PLCB2: variants seen among roughly 807,000 people sequenced by gnomAD.
The protein encoded by PLCB2 is 1-phosphatidylinositol 4,5-bisphosphate phosphodiesterase beta-2.
PLCB2 carries 115 observed loss-of-function variants against 141.7 expected under a neutral mutation model. That is an observed-to-expected ratio of 0.81 (90% confidence interval 0.70 to 0.95). The LOEUF (loss-of-function observed/expected upper bound fraction) is 0.95. Ranked by LOEUF, PLCB2 falls within the 40% of genes least tolerant of loss-of-function variation. The probability of loss-of-function intolerance (pLI) is 0.00; values close to 1 mark genes in which losing one functional copy is unlikely to be tolerated. For synonymous variants in PLCB2, 603 were observed against 595.6 expected (o/e 1.01, Z -0.18); for missense variants, 1,403 against 1,541.1 (o/e 0.91, Z 1.50).
intron 31 of PLCB2, 25 bp from the exon 32 acceptor site, chr15:40,288,943 C>A: frequency 1.2e-6 from 2 of 1,609,236 alleles, no homozygotes; most frequent in Non-Finnish European, 1.7e-6. Flanking sequence ...AGGACCCCTG[C>A]CTGGCTCAGG....
Position 40,288,570 on chromosome 15 carries a change from G to A in PLCB2, c.*145C>T, listed in dbSNP as rs570865820. On this transcript the variant is annotated 3_prime_UTR_variant, in exon 32 of 32. Coordinates refer to ENST00000260402, the MANE Select transcript of PLCB2 (RefSeq NM_004573.3). ...TCCTGTCTCAGACTCTGGCCTGGCC[G>A]TTGAGGAGGGGGCTGCAGCGTCCAA... is the stretch of plus-strand genomic sequence containing the variant. The A allele has an allele frequency of 1.4e-3, 1,956 of 1,384,896 alleles. 2 individuals carry two copies. Among genetic ancestry groups the A allele is most frequent in the Middle Eastern group, 2.9e-3 (11 of 3,762 alleles). 85.8% of individuals were successfully genotyped at this position (1,384,896 alleles called of 1,614,324 possible). A position where few individuals can be genotyped will look rare whatever the true frequency, so the allele number is the denominator to read the frequency against.
chr15:40,289,822 C>G (rs1394294272), intron 30 of PLCB2, among the ~76,000 whole-genome samples: 1 of 152,162 alleles, frequency 6.6e-6, no homozygotes, highest in African/African-American at 2.4e-5. Context: ...ATACACAGGC[C>G]AGAACCCCAG....
At chr15:40,307,395 G>T (rs967226991) in intron 1 of PLCB2, among the ~76,000 whole-genome samples, 194 bp downstream of exon 1, 4 of 152,136 alleles carry the variant, frequency 2.6e-5, no homozygotes, top group African/African-American at 9.7e-5. Flanking sequence ...CCAAGGCTTA[G>T]CCCTTTAGCT....
chr15:40,304,768 T>C (rs2040709545), intron 1 of PLCB2, among the ~76,000 whole-genome samples: 1 of 152,104 alleles, frequency 6.6e-6, no homozygotes, highest in Non-Finnish European at 1.5e-5. Flanking sequence ...TTGAATGTGG[T>C]GTTTGCTGAA....
rs772572891 is a variant in PLCB2 at position 40,290,831 on chromosome 15, A to C, written c.3043T>G (p.Ser1015Ala). The C allele has an allele frequency of 2.5e-6, 4 of 1,568,698 alleles. No individual in the cohort carries two copies. Among genetic ancestry groups the C allele is most frequent in the Non-Finnish European group, 2.6e-6 (3 of 1,152,496 alleles). The change falls in exon 28 of 32, where the codon TCC becomes GCC. Residue 1015 changes from serine (S) to alanine (A), a missense_variant. Around this residue, in one of 4 missense-constraint regions of PLCB2, gnomAD observed 290 missense variants for 245.9 expected, o/e 1.18. Coordinates refer to ENST00000260402, the MANE Select transcript of PLCB2 (RefSeq NM_004573.3). ...TCTCTGGCCAGCTCCATCATTTTGG[A>C]GATTTGCTGCAGGGAGAGGAAGTAA... is the stretch of plus-strand genomic sequence containing the variant. ...RKEQHVAEQI[S>A]KMMELAREKQ... is the part of the protein sequence containing the mutation.
At position 40,297,991 on chromosome 15, in the gene PLCB2, G is replaced by T. The variant is rs761320343; in HGVS notation, c.1156-32C>A. The T allele has an allele frequency of 9.3e-6, 14 of 1,501,324 alleles. No homozygotes were observed. The East Asian group carries it at 2.3e-4, about 24-fold the overall frequency. The allele number at this position is 1,501,324 out of a possible 1,614,324, so 93.0% of individuals were successfully genotyped here. ...GAGAAGGAGACTCCATGAACAGAAG[G>T]TCAGCGTTCCGACTGCCTGTCTCGT... On this transcript the variant is annotated intron_variant, in intron 11 of 31. Transcript: ENST00000260402. This position sits in a 1 kb window ranked among gnomAD's most constrained non-coding sequence, Gnocchi z 4.2.
chr15:40,296,461 C>T (rs984572587), intron 15 of PLCB2, 61 bp downstream of exon 15: 2 of 1,612,974 alleles, frequency 1.2e-6, no homozygotes, highest in African/African-American at 2.7e-5. Flanking sequence ...CCCAAGGCCC[C>T]CATCCAGGGG....
intron 1 of PLCB2, among the ~76,000 whole-genome samples, chr15:40,307,115 C>T (rs1339165648): frequency 1.3e-5 from 2 of 152,180 alleles, no homozygotes; most frequent in African/African-American, 4.8e-5. Context: ...TGGCTGCCCC[C>T]ACAGCAGCGC....
Position 40,296,875 on chromosome 15 carries a change from C to A in PLCB2, c.1357G>T (p.Asp453Tyr). Reference sequence around the variant, plus strand: ...TTGATGAGGATCTTGCCCCTGAGATCCTCAGGGCTGGGCAGGGGGACACCT... The same window carrying A: ...TTGATGAGGATCTTGCCCCTGAGATACTCAGGGCTGGGCAGGGGGACACCT... Reference protein sequence around the residue: ...KPGVPLPSPEDLRGKILIKNK... With the variant: ...KPGVPLPSPEYLRGKILIKNK... The change falls in exon 14 of 32, where the codon GAT becomes TAT. Residue 453 changes from aspartate (D) to tyrosine (Y), a missense_variant. Coordinates refer to ENST00000260402, the MANE Select transcript of PLCB2 (RefSeq NM_004573.3). The A allele has an allele frequency of 6.2e-7, 1 of 1,614,020 alleles. No homozygotes were observed. The highest frequency in any genetic ancestry group is 8.5e-7 in the Non-Finnish European group (1 of 1,179,974).
downstream of PLCB2, among the ~76,000 whole-genome samples, chr15:40,286,311 C>G (rs1168147190): frequency 6.6e-6 from 1 of 152,142 alleles, no homozygotes; most frequent in Admixed American, 6.5e-5. Flanking sequence ...GAAGGGCTCC[C>G]TCCCCAAGAT....
At chr15:40,286,841 A>G (rs866231115), downstream of PLCB2, among the ~76,000 whole-genome samples, 50 of 152,338 alleles carry the variant, frequency 3.3e-4, 1 homozygote, top group Middle Eastern at 0.01. Flanking sequence ...GGCTATGCAG[A>G]GGCCTCTCCG....
At chr15:40,298,081 C>T in intron 11 of PLCB2, 122 bp from the exon 12 acceptor site, 1 of 1,175,018 alleles carries the variant, frequency 8.5e-7, no homozygotes, top group Non-Finnish European at 1.2e-6. Flanking sequence ...GCCATTGGCC[C>T]CCAATCCCTG....
chr15:40,291,796 G>C, intron 24 of PLCB2, 53 bp downstream of exon 24: 1 of 1,613,146 alleles, frequency 6.2e-7, no homozygotes, highest in Non-Finnish European at 8.5e-7. Context: ...GGAAGTGCCT[G>C]TGGGTGCAGA....
Position 40,297,774 on chromosome 15 carries a change from C to T in PLCB2, c.1238+103G>A, listed in dbSNP as rs762457017. ...TGATTATACTGAGACGTGGGAGAAG[C>T]TGTAGGCAATGGTTAGAGGCTGGGG... On this transcript the variant is annotated intron_variant, in intron 12 of 31. Transcript: ENST00000260402. This position sits in a 1 kb window ranked among gnomAD's most constrained non-coding sequence, Gnocchi z 4.2. The T allele has an allele frequency of 1.7e-4, 168 of 1,007,576 alleles. No individual in the cohort carries two copies. Among genetic ancestry groups the T allele is most frequent in the Admixed American group, 6.7e-4 (36 of 53,344 alleles). 62.4% of individuals were successfully genotyped at this position (1,007,576 alleles called of 1,614,324 possible).
At chr15:40,303,104 C>T (rs2040604868) in intron 3 of PLCB2, among the ~76,000 whole-genome samples, 184 bp downstream of exon 3, 1 of 152,184 alleles carries the variant, frequency 6.6e-6, no homozygotes, top group South Asian at 2.1e-4. Context: ...AAGCTCAGAG[C>T]CCAGGCGAGC....
chr15:40,287,173 G>A (rs2039624821), downstream of PLCB2, among the ~76,000 whole-genome samples: 1 of 152,158 alleles, frequency 6.6e-6, no homozygotes, highest in African/African-American at 2.4e-5. Context: ...TAATGATGTA[G>A]GGAGCAGGCT....
chr15:40,291,642 C>CA lies in PLCB2; in HGVS notation c.2610_2611insT (p.Ala871CysfsTer104). The CA allele has an allele frequency of 6.2e-7, 1 of 1,613,192 alleles. No individual in the cohort carries two copies. Among genetic ancestry groups the CA allele is most frequent in the South Asian group, 1.1e-5 (1 of 91,048 alleles). ...TTCATAGCCTCTTCCCTGGCCCCGG[C>CA]CCTGGCTGCTGCAAGAGCCACGGGC... On this transcript the variant is annotated frameshift_variant, in exon 25 of 32. Transcript: ENST00000260402. LOFTEE classifies it high-confidence loss of function.
Position 40,290,541 on chromosome 15 carries a change from G to T in PLCB2, c.3209+36C>A, listed in dbSNP as rs752402532. On this transcript the variant is annotated intron_variant, in intron 29 of 31. Coordinates refer to ENST00000260402, the MANE Select transcript of PLCB2 (RefSeq NM_004573.3). ...GAGGCCCCTTTCCACCTGAAGTGGGGTCTGCCCAGCCCTGGGCCTCCCCTC... is the reference window on the plus strand; with the variant it reads ...GAGGCCCCTTTCCACCTGAAGTGGGTTCTGCCCAGCCCTGGGCCTCCCCTC... 10 of 1,481,690 alleles carry T rather than the reference G, an allele frequency of 6.7e-6. No individual in the cohort carries two copies. The African/African-American group carries it at 1.1e-4, about 16-fold the overall frequency. 91.8% of individuals were successfully genotyped at this position (1,481,690 alleles called of 1,614,324 possible).
rs940002262 is a variant in PLCB2 at position 40,294,339 on chromosome 15, C to T, written c.1988G>A (p.Arg663Gln). Residue 663 changes from arginine (R) to glutamine (Q), a missense_variant, in exon 19 of 32, where the codon CGG becomes CAG. Physicochemically the swap from Arg to Gln is conservative, Grantham distance 43. Around this residue, in one of 4 missense-constraint regions of PLCB2, gnomAD observed 975 missense variants for 1,141.1 expected, o/e 0.85. Transcript: ENST00000260402. ...GAAGGGGTTGAACTGCTTGTCCGGC[C>T]GGCGCATGAACTCATGCTTGAGGAG... Reference protein sequence around the residue: ...GYLLKHEFMRRPDKQFNPFSV... With the variant: ...GYLLKHEFMRQPDKQFNPFSV... 5.0e-6 allele frequency: 8 copies of T among 1,614,150 alleles called. No homozygotes were observed. Among genetic ancestry groups the T allele is most frequent in the East Asian group, 2.2e-5 (1 of 44,884 alleles).
Sources: allele counts gnomAD v4.1 joint callset (sites outside exome capture counted in the v4.1 genomes callset), GRCh38; gene constraint gnomAD v4.1.1; regional missense constraint gnomAD v4.1.1; non-coding constraint Gnocchi (gnomAD v3.1); transcripts MANE v1.5; gene names NCBI Gene and HGNC (gene_info 2026-07-23, HGNC 2026-07-21).